NOSTRIN: variants seen among roughly 807,000 people sequenced by gnomAD.
NOSTRIN encodes nitric oxide synthase trafficking.
In NOSTRIN, 63 loss-of-function variants were observed where a neutral mutation model predicts 59.0. The observed-to-expected ratio is 1.07, with a 90% confidence interval of 0.87 to 1.32. The LOEUF is 1.32. Among genes scored for constraint, NOSTRIN ranks in the 40% most tolerant of loss-of-function variants. NOSTRIN has a pLI of 0.00. For missense variants in NOSTRIN, 512 were observed against 473.1 expected (o/e 1.08, Z -0.76); for synonymous variants, 200 against 165.4 (o/e 1.21, Z -1.61).
chr2:168,860,685 A>AAAAC (rs751440564), intron 13 of NOSTRIN, 110 bp from the exon 14 acceptor site: 2 of 724,860 alleles, frequency 2.8e-6, no homozygotes, highest in Admixed American at 2.6e-5. Flanking sequence ...AAAAAAAGAA[A>AAAAC]AAACAAACAG....
rs200894101 is a variant in NOSTRIN, at chr2:168,839,901, AT to A, written c.505-3090del. 7.8e-3 allele frequency among the ~76,000 whole-genome samples: 905 copies of A among 115,740 alleles called. 25 individuals are homozygous for A. Among genetic ancestry groups the A allele is most frequent in the South Asian group, 0.022 (82 of 3,710 alleles). The allele number at this position is 115,740 out of a possible 152,430, so 75.9% of individuals were successfully genotyped here. ...CTCCGTCTCAAAAAAAAAAAAAAAA[AT>A]ATATATATATATATATATATGTGTG... On this transcript the variant is annotated intron_variant, in intron 7 of 15. Transcript: ENST00000317647.
intron 2 of NOSTRIN, among the ~76,000 whole-genome samples, chr2:168,822,605 A>G (rs1686808467): frequency 6.6e-6 from 1 of 152,258 alleles, no homozygotes; most frequent in Admixed American, 6.5e-5. Flanking sequence ...ATTAAAAAGG[A>G]AAACATAATA....
chr2:168,854,508 A>C (rs1335708549), intron 10 of NOSTRIN, among the ~76,000 whole-genome samples: 1 of 152,220 alleles, frequency 6.6e-6, no homozygotes, highest in Non-Finnish European at 1.5e-5. Flanking sequence ...GTGAAAGCTC[A>C]GATATCATGA....
chr2:168,826,276 C>A (rs1687061195), intron 3 of NOSTRIN, among the ~76,000 whole-genome samples: 1 of 151,972 alleles, frequency 6.6e-6, no homozygotes, highest in Non-Finnish European at 1.5e-5. Context: ...CAGAATACTA[C>A]CAAAGAGTTG....
intron 8 of NOSTRIN, among the ~76,000 whole-genome samples, chr2:168,845,505 T>C (rs1688359868): frequency 6.6e-6 from 1 of 152,218 alleles, no homozygotes; most frequent in Non-Finnish European, 1.5e-5. Flanking sequence ...TTCTTCAATA[T>C]ATGTTAGGGA....
chr2:168,854,500 G>T (rs1469584641), intron 10 of NOSTRIN, among the ~76,000 whole-genome samples: 2 of 152,118 alleles, frequency 1.3e-5, no homozygotes, highest in Non-Finnish European at 2.9e-5. Flanking sequence ...TAATGCATGT[G>T]AAAGCTCAGA....
At chr2:168,847,088 T>C (rs909014836) in intron 8 of NOSTRIN, among the ~76,000 whole-genome samples, 1 of 152,242 alleles carries the variant, frequency 6.6e-6, no homozygotes, top group Non-Finnish European at 1.5e-5. Context: ...TAAACACGCC[T>C]GCACCATGGA....
At chr2:168,804,782 A>G (rs921153030) in intron 1 of NOSTRIN, among the ~76,000 whole-genome samples, 37 of 152,212 alleles carry the variant, frequency 2.4e-4, no homozygotes, top group African/African-American at 8.4e-4. Flanking sequence ...CTCTATTTGT[A>G]CTAATTTCTA....
At chr2:168,792,739 G>A (rs565676664) in intron 2 of NOSTRIN, among the ~76,000 whole-genome samples, 50 of 152,062 alleles carry the variant, frequency 3.3e-4, no homozygotes, top group African/African-American at 9.2e-4. Context: ...CTCGGCCTCC[G>A]AAAGTGCTGG....
At chr2:168,832,258 G>T (rs963101377) in intron 6 of NOSTRIN, among the ~76,000 whole-genome samples, 2 of 152,130 alleles carry the variant, frequency 1.3e-5, no homozygotes, top group Admixed American at 6.5e-5. Context: ...GATCTGGCGT[G>T]GGAAGCTAGA....
intron 13 of NOSTRIN, 146 bp from the exon 14 acceptor site, chr2:168,860,649 T>C: frequency 1.7e-6 from 1 of 579,102 alleles, no homozygotes; most frequent in East Asian, 2.9e-5. Context: ...CCAGCCTGGG[T>C]GACAGGGCAA....
At chr2:168,795,991 G>T (rs1003883768), upstream of NOSTRIN, among the ~76,000 whole-genome samples, 1 of 152,200 alleles carries the variant, frequency 6.6e-6, no homozygotes, top group African/African-American at 2.4e-5. Flanking sequence ...TTAAGGCAAG[G>T]CTTCAGAAAT....
chr2:168,837,707 T>C (rs1687822680), intron 7 of NOSTRIN, among the ~76,000 whole-genome samples: 2 of 152,156 alleles, frequency 1.3e-5, no homozygotes, highest in Non-Finnish European at 2.9e-5. Flanking sequence ...TTCCCCATCT[T>C]TCCACTAAGA....
At chr2:168,855,522 CAG>C in intron 11 of NOSTRIN, 62 bp downstream of exon 11, 1 of 895,848 alleles carries the variant, frequency 1.1e-6, no homozygotes, top group Non-Finnish European at 1.8e-6. Context: ...AGGTTTCATT[CAG>C]AGTTAGGATT....
chr2:168,841,157 A>G (rs1233324648), intron 7 of NOSTRIN, among the ~76,000 whole-genome samples: 2 of 149,612 alleles, frequency 1.3e-5, no homozygotes, highest in Non-Finnish European at 3.0e-5. Context: ...AACCCGGGAC[A>G]AGGAGGTTGC....
At chr2:168,803,763 A>C (rs1167871368) in intron 1 of NOSTRIN, among the ~76,000 whole-genome samples, 1 of 152,208 alleles carries the variant, frequency 6.6e-6, no homozygotes, top group East Asian at 1.9e-4. Flanking sequence ...TGATATGGTT[A>C]TATATAGATT....
intron 2 of NOSTRIN, among the ~76,000 whole-genome samples, chr2:168,791,958 C>A (rs1685366307): frequency 6.6e-6 from 1 of 152,062 alleles, no homozygotes; most frequent in Non-Finnish European, 1.5e-5. Flanking sequence ...ATGGTAGTTT[C>A]TTTTGCTGTG....
At chr2:168,859,753 G>T (rs1221411103) in intron 13 of NOSTRIN, 116 bp downstream of exon 13, 1 of 1,305,144 alleles carries the variant, frequency 7.7e-7, no homozygotes, top group Non-Finnish European at 1.0e-6. Context: ...TAATATTCAT[G>T]CAGTTAGTTA....
rs370562834 is a variant in NOSTRIN at position 168,860,845 on chromosome 2, A to G, written c.1230A>G (p.Arg410=). 6.2e-6 allele frequency: 10 copies of G among 1,613,804 alleles called. No homozygotes were observed. The African/African-American group carries it at 1.3e-4, about 22-fold the overall frequency. Residue 410 remains arginine (R), a synonymous_variant, in exon 14 of 16, where the codon AGA becomes AGG. Transcript: ENST00000317647. ...VKISRPFLMK[R]LENIVSKASS... ...TATCTCGGCCTTTTTTAATGAAGAGATTAGAGAATATTGTGAGCAAGGCAT... is the reference window on the plus strand; with the variant it reads ...TATCTCGGCCTTTTTTAATGAAGAGGTTAGAGAATATTGTGAGCAAGGCAT...
Sources: gnomAD v4.1 joint callset for allele counts (sites outside exome capture counted in the v4.1 genomes callset) on GRCh38, gnomAD v4.1.1 for gene constraint, MANE v1.5 for transcripts, NCBI Gene and HGNC (gene_info 2026-07-23, HGNC 2026-07-21) for gene names.